Variants in SOD2 observed in about 807,000 individuals in gnomAD.
SOD2 encodes the protein superoxide dismutase [Mn], mitochondrial.
In SOD2, 11 loss-of-function variants were observed where a neutral mutation model predicts 27.0. That is an observed-to-expected ratio of 0.41 (90% CI 0.26 to 0.67). The LOEUF (loss-of-function observed/expected upper bound fraction) is 0.67, where lower values mean the gene tolerates loss of function less well. Among genes scored for constraint, SOD2 ranks in the 30% least tolerant of loss-of-function variants. The pLI is 0.34. For synonymous variants in SOD2, 105 were observed against 103.0 expected, an observed-to-expected ratio of 1.02 and a Z score of -0.12; for missense variants, 250 against 274.5, an observed-to-expected ratio of 0.91 and a Z score of 0.63.
chr6:159,695,883 C>T (rs556305152), upstream of SOD2, among the ~76,000 whole-genome samples: 27 of 152,266 alleles, frequency 1.8e-4, no homozygotes, highest in African/African-American at 6.5e-4. Context: ...TCCCAAGTTA[C>T]TCCAGCCAGC....
chr6:159,708,587 G>A (rs1028766683), intron 1 of SOD2, among the ~76,000 whole-genome samples: 1 of 152,182 alleles, frequency 6.6e-6, no homozygotes, highest in Non-Finnish European at 1.5e-5. Context: ...TCTTCAAGGA[G>A]AACTACAAAC....
In SOD2 at chr6:159,712,219, CATA is replaced by C. The variant is rs1360837458; in HGVS notation, c.-116+14907_-116+14909del. On this transcript the variant is annotated intron_variant, in intron 1 of 2. Coordinates refer to the SOD2 transcript ENST00000401980. ...TTGCTCTGATCACCATAACCACCTC[CATA>C]ACCACCACTCACATTGCTCTGATCA... Among the ~76,000 whole-genome samples, 56 of 128,860 alleles carry C rather than the reference CATA, an allele frequency of 4.3e-4. 2 individuals carry two copies. Among genetic ancestry groups the C allele is most frequent in the Non-Finnish European group, 6.0e-4 (35 of 57,866 alleles). The allele number at this position is 128,860 out of a possible 152,430, so 84.5% of individuals were successfully genotyped here. A position where few individuals can be genotyped will look rare whatever the true frequency, so the allele number is the denominator to read the frequency against.
chr6:159,685,732 T>C (rs960779182), intron 3 of SOD2, among the ~76,000 whole-genome samples: 3 of 152,002 alleles, frequency 2.0e-5, no homozygotes, highest in Non-Finnish European at 2.9e-5. Flanking sequence ...CATTTTTATA[T>C]CCATAAGTAC....
intron 1 of SOD2, among the ~76,000 whole-genome samples, chr6:159,717,684 T>C (rs1777945127): frequency 6.6e-6 from 1 of 152,194 alleles, no homozygotes; most frequent in African/African-American, 2.4e-5. Flanking sequence ...TACTGTTGTA[T>C]CTGTTAATAA....
rs113344668 is a variant in SOD2 at position 159,751,025 on chromosome 6, A to G, written c.-335-2349T>C. Among the ~76,000 whole-genome samples the G allele has an allele frequency of 7.9e-3, 1,208 of 152,332 alleles. 17 individuals are homozygous for G. Among genetic ancestry groups the G allele is most frequent in the African/African-American group, 0.027 (1,111 of 41,574 alleles). ...TCATGTGAGAATGCACACATTTTAG[A>G]GTGTTTAGAGGTATATCTTTCAAAG... On this transcript the variant is annotated intron_variant, in intron 1 of 7. Coordinates refer to the SOD2 transcript ENST00000546087.
At chr6:159,712,233 A>T (rs1243559616) in intron 1 of SOD2, among the ~76,000 whole-genome samples, 2 of 122,678 alleles carry the variant, frequency 1.6e-5, no homozygotes, top group Non-Finnish European at 3.5e-5. Context: ...ACCACCACTC[A>T]CATTGCTCTG....
chr6:159,752,096 C>T (rs1459854974), intron 1 of SOD2, among the ~76,000 whole-genome samples: 1 of 151,168 alleles, frequency 6.6e-6, no homozygotes, highest in East Asian at 1.9e-4. Context: ...GGTGAAAGAA[C>T]CATGCAACAC....
rs889493506 is a variant in SOD2, at chr6:159,671,069, A to T, written c.*11424T>A. 2 of 152,506 alleles carry T rather than the reference A, an allele frequency of 1.3e-5. No homozygotes were observed. Among genetic ancestry groups the T allele is most frequent in the African/African-American group, 4.8e-5 (2 of 41,452 alleles). The allele number at this position is 152,506 out of a possible 1,614,324, so 9.4% of individuals were successfully genotyped here. A position where few individuals can be genotyped will look rare whatever the true frequency, so the allele number is the denominator to read the frequency against. Reference sequence around the variant, plus strand: ...GGGAGCCCACCATTGCTGAGGCTTCAGTAGGTAAATAAAGCAGCCGGGAAG... The same window carrying T: ...GGGAGCCCACCATTGCTGAGGCTTCTGTAGGTAAATAAAGCAGCCGGGAAG... On this transcript the variant is annotated 3_prime_UTR_variant, in exon 5 of 5. Transcript: ENST00000538183.
upstream of SOD2, chr6:159,748,558 G>C: frequency 7.4e-7 from 1 of 1,354,892 alleles, no homozygotes; most frequent in Non-Finnish European, 9.5e-7. This position sits in a 1 kb window ranked among gnomAD's most constrained non-coding sequence, Gnocchi z 5.6. Flanking sequence ...TTGTGTTTCA[G>C]CTTTTTTCTT....
intron 1 of SOD2, among the ~76,000 whole-genome samples, chr6:159,704,699 G>A (rs1357599864): frequency 6.6e-6 from 1 of 152,222 alleles, no homozygotes; most frequent in Non-Finnish European, 1.5e-5. Context: ...ACCTCTGGGG[G>A]CAGGGCATAG....
chr6:159,682,526 A>T lies in SOD2; in HGVS notation c.636T>A (p.Asn212Lys). ...KAIWNVINWE[N>K]VTERYMACKK ...TGCAAGCCATGTATCTTTCAGTTAC[A>T]TTCTCCCAGTTGATTACATTCCAAA... The change falls in exon 5 of 5, where the codon AAT becomes AAA. Residue 212 changes from asparagine to lysine, a missense_variant. Physicochemically the swap from Asn to Lys is moderately conservative, Grantham distance 94. Transcript: ENST00000538183. The T allele has an allele frequency of 6.2e-7, 1 of 1,613,956 alleles. No individual in the cohort carries two copies. Among genetic ancestry groups the T allele is most frequent in the Non-Finnish European group, 8.5e-7 (1 of 1,179,958 alleles).
intron 3 of SOD2, among the ~76,000 whole-genome samples, chr6:159,685,721 C>T (rs1780159383): frequency 6.6e-6 from 1 of 151,262 alleles, no homozygotes; most frequent in African/African-American, 2.4e-5. Context: ...TCTGTTGCTG[C>T]CATTTTTATA....
intron 1 of SOD2, among the ~76,000 whole-genome samples, chr6:159,719,096 C>T (rs985239986): frequency 6.6e-6 from 1 of 151,986 alleles, no homozygotes; most frequent in Non-Finnish European, 1.5e-5. Context: ...GAAATCTTAA[C>T]CCCTAATGTG....
Position 159,711,903 on chromosome 6 carries a change from T to C in SOD2, c.-116+15226A>G, listed in dbSNP as rs376030477. Among the ~76,000 whole-genome samples, 159 of 102,844 alleles carry C rather than the reference T, an allele frequency of 1.5e-3. 4 individuals are homozygous for C. Among genetic ancestry groups the C allele is most frequent in the East Asian group, 2.2e-3 (5 of 2,294 alleles). 67.5% of individuals were successfully genotyped at this position (102,844 alleles called of 152,430 possible). A position where few individuals can be genotyped will look rare whatever the true frequency, so the allele number is the denominator to read the frequency against. On this transcript the variant is annotated intron_variant, in intron 1 of 2. Transcript: ENST00000401980. ...CTGATCTCCATAACCACCACTCACA[T>C]TGCTCTGATCACCATAACCACCTCC...
chr6:159,740,951 C>T (rs148096727), intron 1 of SOD2, among the ~76,000 whole-genome samples: 133 of 152,270 alleles, frequency 8.7e-4, no homozygotes, highest in Middle Eastern at 6.8e-3. Flanking sequence ...ATCTGCCCGC[C>T]TCGGCCTCCC....
intron 1 of SOD2, among the ~76,000 whole-genome samples, chr6:159,759,662 C>A (rs1269606561): frequency 2.1e-5 from 3 of 144,940 alleles, no homozygotes; most frequent in Non-Finnish European, 4.5e-5. Flanking sequence ...AGAGCGAGCT[C>A]CGTCTCAAAA....
chr6:159,706,764 G>A (rs9347334), intron 1 of SOD2, among the ~76,000 whole-genome samples: 44,166 of 151,872 alleles, frequency 0.29, 6,470 homozygotes, highest in East Asian at 0.4. Context: ...TGCACCAAGC[G>A]GACCTAATAG....
intron 1 of SOD2, chr6:159,736,247 T>A: frequency 1.3e-6 from 2 of 1,588,222 alleles, no homozygotes; most frequent in Non-Finnish European, 1.7e-6. Context: ...TTCCGCAACT[T>A]TTTTTTTTAG....
chr6:159,741,851 C>G (rs997319316), intron 1 of SOD2: 3 of 342,912 alleles, frequency 8.7e-6, no homozygotes, highest in African/African-American at 4.4e-5. Flanking sequence ...TGCCTTTGGT[C>G]CCAGCTATAC....
Sources: allele counts gnomAD v4.1 joint callset (sites outside exome capture counted in the v4.1 genomes callset), GRCh38; gene constraint gnomAD v4.1.1; non-coding constraint Gnocchi (gnomAD v3.1); transcripts MANE v1.5; gene names NCBI Gene and HGNC (gene_info 2026-07-23, HGNC 2026-07-21).